CNTNAP2: variants seen among roughly 807,000 people sequenced by gnomAD.
CNTNAP2 encodes the protein contactin associated protein 2.
Under a neutral mutation model 155.2 loss-of-function variants are expected in CNTNAP2, and 98 were observed. The ratio of observed to expected loss-of-function variants is 0.63; its 90% CI spans 0.54 to 0.75. The LOEUF is 0.75. Among genes scored for constraint, CNTNAP2 ranks in the 30% least tolerant of loss-of-function variants. The probability of loss-of-function intolerance (pLI) is 0.00; values close to 1 mark genes in which losing one functional copy is unlikely to be tolerated. For missense variants in CNTNAP2, 1,727 were observed against 1,688.1 expected (o/e 1.02, Z -0.40); for synonymous variants, 651 against 631.2 (o/e 1.03, Z -0.47).
chr7:146,498,480 T>G (rs548659236), intron 1 of CNTNAP2, among the ~76,000 whole-genome samples: 2 of 152,306 alleles, frequency 1.3e-5, no homozygotes, highest in South Asian at 4.1e-4. Context: ...ATAAAACAAT[T>G]TAATTCACAT....
chr7:147,467,655 C>T (rs1388519049), intron 10 of CNTNAP2, among the ~76,000 whole-genome samples: 1 of 151,520 alleles, frequency 6.6e-6, no homozygotes, highest in Non-Finnish European at 1.5e-5. Flanking sequence ...TGCACTTATA[C>T]CCACTAAATA....
intron 10 of CNTNAP2, among the ~76,000 whole-genome samples, chr7:147,436,326 G>T (rs546596625): frequency 4.3e-4 from 65 of 152,138 alleles, no homozygotes; most frequent in African/African-American, 1.6e-3. Flanking sequence ...TTTGGTTCAA[G>T]AAATATAATT....
intron 15 of CNTNAP2, among the ~76,000 whole-genome samples, chr7:148,100,340 C>G (rs1292915442): frequency 6.6e-6 from 1 of 152,180 alleles, no homozygotes; most frequent in African/African-American, 2.4e-5. Context: ...AAGGTGACCA[C>G]CATTAAAGCT....
chr7:147,460,532 C>T (rs1798004574), intron 10 of CNTNAP2, among the ~76,000 whole-genome samples: 1 of 152,012 alleles, frequency 6.6e-6, no homozygotes. Flanking sequence ...TTTGTTTTAC[C>T]ATCTGGTTTA....
chr7:148,401,723 C>T (rs6971587), intron 22 of CNTNAP2, among the ~76,000 whole-genome samples: 39,541 of 151,852 alleles, frequency 0.26, 5,739 homozygotes, highest in Non-Finnish European at 0.33. Flanking sequence ...CTCAGCCTCC[C>T]GAGTAGCTAG....
intron 8 of CNTNAP2, among the ~76,000 whole-genome samples, chr7:147,246,877 T>C (rs954474567): frequency 6.6e-6 from 1 of 152,124 alleles, no homozygotes; most frequent in Admixed American, 6.5e-5. Context: ...AAAACTTGTA[T>C]GACAAAATAG....
intron 1 of CNTNAP2, among the ~76,000 whole-genome samples, chr7:146,440,748 C>T (rs558467405): frequency 1.3e-4 from 20 of 151,522 alleles, no homozygotes; most frequent in Middle Eastern, 3.4e-3. Flanking sequence ...TACCACAACC[C>T]GGAAGTACCC....
At chr7:146,787,766 G>C (rs1802601596) in intron 2 of CNTNAP2, among the ~76,000 whole-genome samples, 1 of 152,162 alleles carries the variant, frequency 6.6e-6, no homozygotes, top group South Asian at 2.1e-4. Context: ...GAGCCGATTG[G>C]TCCGTTTTGA....
At chr7:147,465,289 A>T (rs1054636731) in intron 10 of CNTNAP2, among the ~76,000 whole-genome samples, 4 of 152,122 alleles carry the variant, frequency 2.6e-5, no homozygotes, top group African/African-American at 9.7e-5. Flanking sequence ...CAATCTTCAC[A>T]TGCATAACTT....
At chr7:146,489,657 A>G (rs866240108) in intron 1 of CNTNAP2, among the ~76,000 whole-genome samples, 76 of 152,212 alleles carry the variant, frequency 5.0e-4, no homozygotes, top group African/African-American at 1.8e-3. Flanking sequence ...GCTTGTACCC[A>G]TGTTCGGCGA....
chr7:146,203,342 C>T (rs1198551134), intron 1 of CNTNAP2, among the ~76,000 whole-genome samples: 1 of 152,210 alleles, frequency 6.6e-6, no homozygotes, highest in Non-Finnish European at 1.5e-5. Context: ...TTCCTACAAA[C>T]CCTTCCTTTG....
At chr7:147,140,961 T>C (rs1244712193) in intron 8 of CNTNAP2, among the ~76,000 whole-genome samples, 4 of 152,116 alleles carry the variant, frequency 2.6e-5, no homozygotes, top group African/African-American at 9.7e-5. Context: ...ATATGCCTCT[T>C]ATCTACTGCT....
At chr7:146,569,520 C>T (rs1166078716) in intron 1 of CNTNAP2, among the ~76,000 whole-genome samples, 1 of 152,168 alleles carries the variant, frequency 6.6e-6, no homozygotes, top group Non-Finnish European at 1.5e-5. Flanking sequence ...GTTTCTTTTC[C>T]AGTAAAGTAA....
At chr7:148,229,381 C>T (rs1795917898) in intron 19 of CNTNAP2, among the ~76,000 whole-genome samples, 1 of 152,082 alleles carries the variant, frequency 6.6e-6, no homozygotes, top group Non-Finnish European at 1.5e-5. Context: ...AAAAATTAGC[C>T]AGGCGTGGTG....
In CNTNAP2 at chr7:148,094,972, A is replaced by G. The variant is rs932396035; in HGVS notation, c.2384-23146A>G. 2.6e-4 allele frequency among the ~76,000 whole-genome samples: 40 copies of G among 152,178 alleles called. 1 individual carries two copies. The highest frequency in any genetic ancestry group is 9.2e-4 in the African/African-American group (38 of 41,446). ...GAGCTCAGAGGAATGTAAATATTTA[A>G]GAGATAATAAGAGGCAGTGGAACCA... On this transcript the variant is annotated intron_variant, in intron 15 of 23. Coordinates refer to ENST00000361727, the MANE Select transcript of CNTNAP2 (RefSeq NM_014141.6).
intron 1 of CNTNAP2, among the ~76,000 whole-genome samples, chr7:146,531,424 T>C (rs893972713): frequency 3.3e-5 from 5 of 152,158 alleles, no homozygotes; most frequent in Non-Finnish European, 5.9e-5. Flanking sequence ...GGAAGTTCTA[T>C]ACAAAGGCAA....
intron 21 of CNTNAP2, among the ~76,000 whole-genome samples, chr7:148,362,549 T>A (rs1350631292): frequency 6.6e-6 from 1 of 152,184 alleles, no homozygotes; most frequent in African/African-American, 2.4e-5. Context: ...GGTTGGGGGA[T>A]GTTCTGCCGT....
intron 13 of CNTNAP2, among the ~76,000 whole-genome samples, chr7:147,848,283 GGGATATAGTCTCGT>G (rs1798850841): frequency 6.7e-6 from 1 of 148,574 alleles, no homozygotes; most frequent in African/African-American, 2.5e-5. Flanking sequence ...AGCCAGGTGT[GGGATATAGTCTCGT>G]GGTGCGCCGT....
chr7:146,498,399 T>G (rs1797250887), intron 1 of CNTNAP2, among the ~76,000 whole-genome samples: 1 of 152,190 alleles, frequency 6.6e-6, no homozygotes, highest in Non-Finnish European at 1.5e-5. Flanking sequence ...GCACTCCATT[T>G]TTAGCAGAAA....
Sources: gnomAD v4.1 joint callset for allele counts (sites outside exome capture counted in the v4.1 genomes callset) on GRCh38, gnomAD v4.1.1 for gene constraint, MANE v1.5 for transcripts, NCBI Gene and HGNC (gene_info 2026-07-23, HGNC 2026-07-21) for gene names.